GBA2: variants seen among roughly 807,000 people sequenced by gnomAD.
GBA2 encodes the protein non-lysosomal glucosylceramidase.
Under a neutral mutation model 112.9 loss-of-function variants are expected in GBA2, and 79 were observed. That is an observed-to-expected ratio of 0.70 (90% CI 0.58 to 0.84). GBA2 has a LOEUF of 0.84. Among genes scored for constraint, GBA2 ranks in the 40% least tolerant of loss-of-function variants. GBA2 has a pLI of 0.00. For missense variants in GBA2, 1,043 were observed against 1,190.0 expected, an observed-to-expected ratio of 0.88 and a Z score of 1.82; for synonymous variants, 403 against 434.3, an observed-to-expected ratio of 0.93 and a Z score of 0.90.
At position 35,740,055 on chromosome 9, in the gene GBA2, C is replaced by G; in HGVS notation, c.1352G>C (p.Arg451Pro). The change falls in exon 8 of 17, where the codon CGA becomes CCA. Residue 451 changes from arginine to proline, a missense_variant. Transcript: ENST00000378103. The surrounding 1 kb of genome is among the most constrained non-coding windows in gnomAD (Gnocchi z 4.7). The part of the protein sequence containing the change: ...APALSHYALC[R>P]YAEWEERISA... ...GATCCTCTCTTCCCACTCTGCGTAT[C>G]GGCACAGTGCATAGTGGCTGAGGGC... 1 of 1,613,940 alleles carries G rather than the reference C, an allele frequency of 6.2e-7. No individual in the cohort carries two copies. The highest frequency in any genetic ancestry group is 1.3e-5 in the African/African-American group (1 of 75,012).
At chr9:35,747,253 T>G (rs1827016196) in intron 1 of GBA2, among the ~76,000 whole-genome samples, 1 of 152,158 alleles carries the variant, frequency 6.6e-6, no homozygotes. Context: ...ATGCCCATCT[T>G]TTCTTGATCT....
rs1219229342 is a variant in GBA2, at chr9:35,740,335, A to G, written c.1157T>C (p.Val386Ala). The change falls in exon 7 of 17, where the codon GTA (valine) becomes GCA (alanine). Residue 386 changes from valine (V) to alanine (A), a missense_variant. Transcript: ENST00000378103. This position sits in a 1 kb window ranked among gnomAD's most constrained non-coding sequence, Gnocchi z 4.7. ...AACACACACAGCTCCAGCAATGCCT[A>G]CTCCTTTCTGCGTAGGGGTGCTTTG... is the stretch of plus-strand genomic sequence containing the variant. ...TGQSTPTQKG[V>A]GIAGAVCVSS... 2.5e-6 allele frequency: 4 copies of G among 1,613,286 alleles called. No individual in the cohort carries two copies. The Admixed American group carries it at 5.0e-5, about 20-fold the overall frequency.
In GBA2 at chr9:35,748,834, G is replaced by C. The variant is rs1827144621; in HGVS notation, c.-130C>G. The stretch of plus-strand genomic sequence containing the variant: ...GCGTTGGGGAAAGCTTAAATGAGCT[G>C]GTGTTTCAGTGGAGCCGGGGAGCTC... On this transcript the variant is annotated 5_prime_UTR_variant, in exon 1 of 17. Coordinates refer to ENST00000378103, the MANE Select transcript of GBA2 (RefSeq NM_020944.3). The C allele has an allele frequency of 9.5e-6, 6 of 630,358 alleles. No individual in the cohort carries two copies. Among genetic ancestry groups the C allele is most frequent in the South Asian group, 6.8e-5 (3 of 44,088 alleles). The allele number at this position is 630,358 out of a possible 1,614,324, so 39.0% of individuals were successfully genotyped here. A position where few individuals can be genotyped will look rare whatever the true frequency, so the allele number is the denominator to read the frequency against.
chr9:35,748,676 C>A lies in GBA2; in HGVS notation c.29G>T (p.Gly10Val). The A allele has an allele frequency of 1.3e-6, 2 of 1,581,922 alleles. No homozygotes were observed. The highest frequency in any genetic ancestry group is 1.7e-6 in the Non-Finnish European group (2 of 1,160,868). Residue 10 changes from glycine to valine, a missense_variant, in exon 1 of 17, where the codon GGA (glycine) becomes GTA (valine). Coordinates refer to ENST00000378103, the MANE Select transcript of GBA2 (RefSeq NM_020944.3). ...CTGCTCCGAGGCTGGGACGCCGGTT[C>A]CCATGTTCCCTGGATCCTGGGTCCC... MGTQDPGNM[G>V]TGVPASEQIS...
chr9:35,740,988 A>C lies in GBA2; in HGVS notation c.863T>G (p.Met288Arg). The change falls in exon 5 of 17, where the codon ATG becomes AGG. Residue 288 changes from methionine to arginine, a missense_variant. Physicochemically the swap from Met to Arg is moderately conservative, Grantham distance 91. Transcript: ENST00000378103. This position sits in a 1 kb window ranked among gnomAD's most constrained non-coding sequence, Gnocchi z 4.7. ...EGDEALDVSI[M>R]FSMRNGLGGG... is the part of the protein sequence containing the mutation. Reference sequence around the variant, plus strand: ...ACCCAGTCCATTCCGCATGGAGAACATGATGGACACATCTAGAGCTTCGTC... The same window carrying C: ...ACCCAGTCCATTCCGCATGGAGAACCTGATGGACACATCTAGAGCTTCGTC... 6.2e-7 allele frequency: 1 copy of C among 1,613,990 alleles called. No homozygotes were observed. Among genetic ancestry groups the C allele is most frequent in the South Asian group, 1.1e-5 (1 of 91,080 alleles).
Position 35,738,306 on chromosome 9 carries a change from GC to G in GBA2, c.2122del (p.Ala708HisfsTer53). On this transcript the variant is annotated frameshift_variant, in exon 14 of 17. Transcript: ENST00000378103. LOFTEE classifies it high-confidence loss of function. Reference sequence around the variant, plus strand: ...AGAAAACTTATCCTGGATGTCCTGTGCCCCACACAGAGCAGCCATCTGGACC... The same window carrying G: ...AGAAAACTTATCCTGGATGTCCTGTGCCCACACAGAGCAGCCATCTGGACC... Reference protein sequence around the residue: ...VMVQMAALCGAQDIQDKFSSI... With the variant: ...VMVQMAALCGXQDIQDKFSSI... The G allele has an allele frequency of 6.2e-7, 1 of 1,614,030 alleles. No individual in the cohort carries two copies. The highest frequency in any genetic ancestry group is 1.1e-5 in the South Asian group (1 of 91,080).
intron 1 of GBA2, among the ~76,000 whole-genome samples, chr9:35,745,645 G>C (rs1338325919): frequency 6.6e-6 from 1 of 151,090 alleles, no homozygotes; most frequent in Non-Finnish European, 1.5e-5. Flanking sequence ...TCCTGGGCTT[G>C]GTACAGCCCT....
chr9:35,745,833 CCTA>C (rs1826944496), intron 1 of GBA2, among the ~76,000 whole-genome samples: 1 of 152,206 alleles, frequency 6.6e-6, no homozygotes, highest in Non-Finnish European at 1.5e-5. Flanking sequence ...CACTCTCCTG[CCTA>C]CTGCCACATT....
Position 35,738,257 on chromosome 9 carries a change from T to G in GBA2, c.2172A>C (p.Glu724Asp). ...CATTCCACAGCAGTCTCTCATAGGCTTCTTGGCCCCGGCTGAGGATAGAAG... is the reference window on the plus strand; with the variant it reads ...CATTCCACAGCAGTCTCTCATAGGCGTCTTGGCCCCGGCTGAGGATAGAAG... ...KFSSILSRGQ[E>D]AYERLLWNGR... The change falls in exon 14 of 17, where the codon GAA becomes GAC. Residue 724 changes from glutamate to aspartate, a missense_variant. Glu to Asp is a conservative substitution (Grantham distance 45, BLOSUM62 2). Transcript: ENST00000378103. 6.2e-7 allele frequency: 1 copy of G among 1,614,198 alleles called. No homozygotes were observed. Among genetic ancestry groups the G allele is most frequent in the Non-Finnish European group, 8.5e-7 (1 of 1,180,028 alleles).
chr9:35,739,614 C>T lies in GBA2; in HGVS notation c.1582+14G>A, dbSNP rs375641704. 468 of 1,611,554 alleles carry T rather than the reference C, an allele frequency of 2.9e-4. 2 individuals carry two copies. The highest frequency in any genetic ancestry group is 2.3e-3 in the African/African-American group (170 of 75,032). ...GGATGGCCTGCCATATCCCAGCCCA[C>T]CAGCATCCTGTACCCTCAAGGTAGC... On this transcript the variant is annotated intron_variant, in intron 9 of 16. Transcript: ENST00000378103.
rs1240702400 is a variant in GBA2, at chr9:35,746,682, G to A, written c.359+1664C>T. On this transcript the variant is annotated intron_variant, in intron 1 of 16. Coordinates refer to ENST00000378103, the MANE Select transcript of GBA2 (RefSeq NM_020944.3). This position sits in a 1 kb window ranked among gnomAD's most constrained non-coding sequence, Gnocchi z 5.2. The stretch of plus-strand genomic sequence containing the variant: ...AAGGATGGGATGACAGGAAGGCAGA[G>A]AATCCTCTCTGCCAGCTTAGAGAAA... Among the ~76,000 whole-genome samples the A allele has an allele frequency of 6.6e-6, 1 of 152,196 alleles. No individual in the cohort carries two copies. The highest frequency in any genetic ancestry group is 1.5e-5 in the Non-Finnish European group (1 of 68,032).
Position 35,740,154 on chromosome 9 carries a change from GC to G in GBA2, c.1284-32del. The G allele has an allele frequency of 6.2e-7, 1 of 1,614,036 alleles. No homozygotes were observed. Among genetic ancestry groups the G allele is most frequent in the East Asian group, 2.2e-5 (1 of 44,882 alleles). ...GTGGGAAGGGGAAGGATGAACACAA[GC>G]CCCAGGTCAGAGCCCCAGCACTCTG... On this transcript the variant is annotated intron_variant, in intron 7 of 16. Coordinates refer to ENST00000378103, the MANE Select transcript of GBA2 (RefSeq NM_020944.3). This position sits in a 1 kb window ranked among gnomAD's most constrained non-coding sequence, Gnocchi z 4.7.
At position 35,739,835 on chromosome 9, in the gene GBA2, CA is replaced by C. The variant is rs771439328; in HGVS notation, c.1410-36del. 4 of 1,599,814 alleles carry C rather than the reference CA, an allele frequency of 2.5e-6. No individual in the cohort carries two copies. In the Admixed American group the frequency reaches 6.7e-5, roughly 27 times the overall value. ...GAGGAGGAGGAAATGGTTTAAGGAA[CA>C]TGTACCTCCCAAGATGGAAAGGATT... On this transcript the variant is annotated intron_variant, in intron 8 of 16. Transcript: ENST00000378103.
chr9:35,739,956 T>G (rs766013796), intron 8 of GBA2, 42 bp downstream of exon 8: 1 of 1,610,458 alleles, frequency 6.2e-7, no homozygotes, highest in South Asian at 1.1e-5. Flanking sequence ...CCATTTGGAG[T>G]GAGTGCCCAG....
chr9:35,748,308 T>C (rs767071701), intron 1 of GBA2, 38 bp downstream of exon 1: 2 of 1,297,528 alleles, frequency 1.5e-6, no homozygotes, highest in Admixed American at 2.1e-5. Context: ...TGGAACAAAG[T>C]GAAGCCAAAG....
At position 35,737,145 on chromosome 9, in the gene GBA2, C is replaced by T. The variant is rs1826252635; in HGVS notation, c.*24G>A. ...CAGGCTGGAGGCTGGGCTGTTAGCA[C>T]TTCCCTCCCACAGTTCAGACGGCTC... On this transcript the variant is annotated 3_prime_UTR_variant, in exon 17 of 17. Transcript: ENST00000378103. This position sits in a 1 kb window ranked among gnomAD's most constrained non-coding sequence, Gnocchi z 4.1. 4 of 1,590,394 alleles carry T rather than the reference C, an allele frequency of 2.5e-6. No homozygotes were observed. Among genetic ancestry groups the T allele is most frequent in the African/African-American group, 1.3e-5 (1 of 74,536 alleles).
At chr9:35,744,765 G>A in intron 1 of GBA2, 59 bp from the exon 2 acceptor site, 1 of 874,042 alleles carries the variant, frequency 1.1e-6, no homozygotes, top group East Asian at 2.4e-5. Context: ...TTCACAGGCT[G>A]AGTCACCTGC....
At position 35,737,078 on chromosome 9, in the gene GBA2, G is replaced by A; in HGVS notation, c.*91C>T. 6.6e-7 allele frequency: 1 copy of A among 1,524,386 alleles called. No homozygotes were observed. Among genetic ancestry groups the A allele is most frequent in the Non-Finnish European group, 8.8e-7 (1 of 1,142,212 alleles). 94.4% of individuals were successfully genotyped at this position (1,524,386 alleles called of 1,614,324 possible). On this transcript the variant is annotated 3_prime_UTR_variant, in exon 17 of 17. Transcript: ENST00000378103. The surrounding 1 kb of genome is among the most constrained non-coding windows in gnomAD (Gnocchi z 4.1). ...AGGGAAGGGGTATGATTGTCCTGAT[G>A]GCTCAGGGTTGCAGGAGGTTCAGAG...
Position 35,737,770 on chromosome 9 carries a change from A to C in GBA2, c.2483T>G (p.Leu828Arg). 1 of 1,614,124 alleles carries C rather than the reference A, an allele frequency of 6.2e-7. No homozygotes were observed. Among genetic ancestry groups the C allele is most frequent in the East Asian group, 2.2e-5 (1 of 44,886 alleles). The change falls in exon 16 of 17, where the codon CTG (leucine) becomes CGG (arginine). Residue 828 changes from leucine (L) to arginine (R), a missense_variant. Leu to Arg is a moderately radical substitution (Grantham distance 102). Transcript: ENST00000378103. This position sits in a 1 kb window ranked among gnomAD's most constrained non-coding sequence, Gnocchi z 4.1. Reference protein sequence around the residue: ...DEVWVGVVYGLAATMIQEGLT... With the variant: ...DEVWVGVVYGRAATMIQEGLT... Reference sequence around the variant, plus strand: ...TACCTCTTGGATCATGGTAGCTGCCAGCCCGTAGACCACACCCACCCAGAC... The same window carrying C: ...TACCTCTTGGATCATGGTAGCTGCCCGCCCGTAGACCACACCCACCCAGAC...
Sources: gnomAD v4.1 joint callset for allele counts (sites outside exome capture counted in the v4.1 genomes callset) on GRCh38, gnomAD v4.1.1 for gene constraint, Gnocchi (gnomAD v3.1) non-coding constraint, MANE v1.5 for transcripts, NCBI Gene and HGNC (gene_info 2026-07-23, HGNC 2026-07-21) for gene names.